BACH2: variants seen among roughly 807,000 people sequenced by gnomAD.
The protein encoded by BACH2 is transcription regulator protein BACH2.
BACH2 carries 5 observed loss-of-function variants against 61.8 expected under a neutral mutation model. The ratio of observed to expected loss-of-function variants is 0.08; its 90% CI spans 0.04 to 0.17. The LOEUF is 0.17. Ranked by LOEUF, BACH2 falls within the 10% of genes least tolerant of loss-of-function variation. The pLI, the probability that BACH2 is intolerant of heterozygous loss-of-function variation, is 1.00. For synonymous variants in BACH2, 446 were observed against 440.1 expected (o/e 1.01, Z -0.17); for missense variants, 824 against 1,091.1 (o/e 0.76, Z 3.45).
At chr6:89,959,751 T>G (rs1164190833) in intron 6 of BACH2, among the ~76,000 whole-genome samples, 18 of 152,228 alleles carry the variant, frequency 1.2e-4, no homozygotes. Context: ...ACTCATATGT[T>G]GGTTATTTAC....
At chr6:90,269,530 T>C (rs1321431290) in intron 2 of BACH2, among the ~76,000 whole-genome samples, 1 of 152,204 alleles carries the variant, frequency 6.6e-6, no homozygotes, top group Non-Finnish European at 1.5e-5. Context: ...TGAAATGCTT[T>C]ACAACTCACA....
At chr6:90,009,197 T>C (rs778608089) in intron 5 of BACH2, among the ~76,000 whole-genome samples, 2 of 152,250 alleles carry the variant, frequency 1.3e-5, no homozygotes, top group African/African-American at 2.4e-5. Flanking sequence ...ATTTTGTTAG[T>C]AGGCTGAAAA....
intron 4 of BACH2, among the ~76,000 whole-genome samples, chr6:90,164,916 AAAT>A (rs1767553149): frequency 6.6e-6 from 1 of 152,184 alleles, no homozygotes; most frequent in Non-Finnish European, 1.5e-5. Flanking sequence ...ATGTATCTCA[AAAT>A]AATAAGAGCT....
chr6:89,989,980 T>A (rs1007869636), intron 6 of BACH2, among the ~76,000 whole-genome samples: 2 of 152,236 alleles, frequency 1.3e-5, no homozygotes, highest in African/African-American at 4.8e-5. Context: ...AAAGACAGTC[T>A]GTGAAATTTA....
In BACH2 at chr6:90,168,431, A is replaced by C. The variant is rs143902725; in HGVS notation, c.-162+38138T>G. 1.8e-4 allele frequency among the ~76,000 whole-genome samples: 28 copies of C among 152,354 alleles called. No homozygotes were observed. In the East Asian group the frequency reaches 5.4e-3, roughly 29 times the overall value. On this transcript the variant is annotated intron_variant, in intron 4 of 8. Transcript: ENST00000257749. ...CAATGGAAAACTATTCTGCCATTAA[A>C]ATTTTAAAATAATGATCCACATATT...
chr6:89,938,996 C>T (rs60519986), intron 7 of BACH2, among the ~76,000 whole-genome samples: 20,430 of 152,114 alleles, frequency 0.13, 1,502 homozygotes, highest in East Asian at 0.2. Flanking sequence ...TTAAAAAAGC[C>T]GTACAGTGCT....
chr6:90,039,706 T>C (rs549728637), intron 5 of BACH2, among the ~76,000 whole-genome samples: 55 of 152,298 alleles, frequency 3.6e-4, no homozygotes, highest in Non-Finnish European at 7.2e-4. Context: ...TTATCCATAG[T>C]CTTGCTAATA....
Position 89,970,614 on chromosome 6 carries a change from G to C in BACH2, c.244-18752C>G, listed in dbSNP as rs114838146. 4.5e-3 allele frequency among the ~76,000 whole-genome samples: 693 copies of C among 152,312 alleles called. 4 individuals carry two copies. The highest frequency in any genetic ancestry group is 0.015 in the African/African-American group (620 of 41,562). On this transcript the variant is annotated intron_variant, in intron 6 of 8. Coordinates refer to ENST00000257749, the MANE Select transcript of BACH2 (RefSeq NM_021813.4). ...ATTTTATTTCTCAGAAAGGATACCA[G>C]GCATGTTTCTTTTCTGCACCTGTAC...
intron 4 of BACH2, among the ~76,000 whole-genome samples, chr6:90,191,527 T>TA (rs1227322053): frequency 5.9e-5 from 9 of 152,248 alleles, no homozygotes; most frequent in African/African-American, 2.2e-4. Context: ...ATTCAACAAA[T>TA]ACGCTTAGGA....
chr6:90,234,051 C>T (rs544898347), intron 3 of BACH2, among the ~76,000 whole-genome samples: 1 of 152,196 alleles, frequency 6.6e-6, no homozygotes, highest in Non-Finnish European at 1.5e-5. Context: ...AGGATGAGAA[C>T]ACTCTCGGCC....
chr6:90,243,588 C>T (rs1005371150), intron 3 of BACH2, among the ~76,000 whole-genome samples: 13 of 152,116 alleles, frequency 8.5e-5, no homozygotes, highest in African/African-American at 2.2e-4. Flanking sequence ...CTTTACATAA[C>T]GTTCATTCCT....
intron 5 of BACH2, among the ~76,000 whole-genome samples, chr6:90,016,092 T>A (rs1202758539): frequency 6.6e-6 from 1 of 152,206 alleles, no homozygotes; most frequent in Non-Finnish European, 1.5e-5. Context: ...CATCTTTTGT[T>A]TGGTGTTAGC....
intron 1 of BACH2, among the ~76,000 whole-genome samples, chr6:90,284,798 T>C (rs1202564408): frequency 6.6e-6 from 1 of 152,078 alleles, no homozygotes. Flanking sequence ...TAAAACCACA[T>C]GTTTTGAAGG....
intron 4 of BACH2, among the ~76,000 whole-genome samples, chr6:90,167,121 A>G (rs935691056): frequency 4.6e-5 from 7 of 152,140 alleles, no homozygotes; most frequent in Non-Finnish European, 1.0e-4. Flanking sequence ...TGACCCTCAC[A>G]GTATTCTGAA....
chr6:90,291,604 C>A (rs1366736931), intron 1 of BACH2, among the ~76,000 whole-genome samples: 5 of 128,850 alleles, frequency 3.9e-5, no homozygotes, highest in Admixed American at 7.9e-5. Context: ...AATTAAATGT[C>A]ATCACAAACA....
Position 90,241,644 on chromosome 6 carries a change from A to C in BACH2, c.-275+10869T>G, listed in dbSNP as rs1770456015. On this transcript the variant is annotated intron_variant, in intron 3 of 8. Transcript: ENST00000257749. ...ACAACTAATGCTAGGGTAGGTGGAAAAGAGGGACAGGGTGTGGCTAGGGAG... is the reference window on the plus strand; with the variant it reads ...ACAACTAATGCTAGGGTAGGTGGAACAGAGGGACAGGGTGTGGCTAGGGAG... Among the ~76,000 whole-genome samples the C allele has an allele frequency of 2.6e-5, 4 of 152,354 alleles. No individual in the cohort carries two copies. The South Asian group carries it at 8.3e-4, about 32-fold the overall frequency.
chr6:90,247,799 C>T (rs1212028517), intron 3 of BACH2, among the ~76,000 whole-genome samples: 1 of 152,182 alleles, frequency 6.6e-6, no homozygotes, highest in Non-Finnish European at 1.5e-5. Context: ...TTTCCTCCCT[C>T]ATAGCTTCAG....
intron 5 of BACH2, among the ~76,000 whole-genome samples, chr6:90,013,760 G>T (rs1294842082): frequency 6.6e-6 from 1 of 151,854 alleles, no homozygotes; most frequent in Non-Finnish European, 1.5e-5. Context: ...CCCCCGCCTT[G>T]GCCTCTGAAA....
chr6:90,249,300 T>C (rs1770731581), intron 3 of BACH2, among the ~76,000 whole-genome samples: 1 of 152,106 alleles, frequency 6.6e-6, no homozygotes, highest in African/African-American at 2.4e-5. Context: ...CCCATAAAAA[T>C]CCTGGCAGAT....
Sources: gnomAD v4.1 joint callset for allele counts (sites outside exome capture counted in the v4.1 genomes callset) on GRCh38, gnomAD v4.1.1 for gene constraint, MANE v1.5 for transcripts, NCBI Gene and HGNC (gene_info 2026-07-23, HGNC 2026-07-21) for gene names.